The following CNTNAP2 variants were observed in gnomAD, a reference collection of about 807,000 sequenced individuals.
CNTNAP2 encodes the protein contactin associated protein 2, also known as contactin-associated protein-like 2.
CNTNAP2 carries 98 observed loss-of-function variants against 155.2 expected under a neutral mutation model. The observed-to-expected ratio is 0.63, with a 90% CI of 0.54 to 0.75. CNTNAP2 has a LOEUF of 0.75. Among genes scored for constraint, CNTNAP2 ranks in the 30% least tolerant of loss-of-function variants. The probability of loss-of-function intolerance (pLI) is 0.00; values close to 1 mark genes in which losing one functional copy is unlikely to be tolerated. For synonymous variants in CNTNAP2, 651 were observed against 631.2 expected (o/e 1.03, Z -0.47); for missense variants, 1,727 against 1,688.1 (o/e 1.02, Z -0.40).
chr7:146,232,563 T>C (rs893805043), intron 1 of CNTNAP2, among the ~76,000 whole-genome samples: 1 of 152,036 alleles, frequency 6.6e-6, no homozygotes, highest in Admixed American at 6.5e-5. Flanking sequence ...CCTATAAGAA[T>C]CTATTGTTTT....
intron 8 of CNTNAP2, among the ~76,000 whole-genome samples, chr7:147,243,238 C>T (rs889652730): frequency 1.3e-5 from 2 of 151,926 alleles, no homozygotes; most frequent in East Asian, 3.9e-4. Flanking sequence ...CCTCATGATC[C>T]ACCTGCCCTG....
intron 18 of CNTNAP2, among the ~76,000 whole-genome samples, chr7:148,182,789 A>G (rs1241107330): frequency 6.6e-6 from 1 of 152,168 alleles, no homozygotes; most frequent in African/African-American, 2.4e-5. Flanking sequence ...TTTTAAATGT[A>G]TTACCTTCAT....
chr7:147,889,200 C>G (rs1201233794), intron 13 of CNTNAP2, among the ~76,000 whole-genome samples: 1 of 151,546 alleles, frequency 6.6e-6, no homozygotes, highest in Non-Finnish European at 1.5e-5. Flanking sequence ...GAAAAACTAT[C>G]AATTCAGAAG....
At chr7:147,792,371 C>CACTAACCT (rs112922518) in intron 13 of CNTNAP2, among the ~76,000 whole-genome samples, 78,720 of 151,412 alleles carry the variant, frequency 0.52, 23,421 homozygotes, top group African/African-American at 0.83. Flanking sequence ...CCTAAGCAAC[C>CACTAACCT]ACTTTCTGTA....
At chr7:147,066,307 G>A (rs1028156544) in intron 4 of CNTNAP2, among the ~76,000 whole-genome samples, 1 of 152,114 alleles carries the variant, frequency 6.6e-6, no homozygotes, top group South Asian at 2.1e-4. Flanking sequence ...GACATCATAC[G>A]ACAGACTACT....
chr7:147,885,049 G>C (rs1350851875), intron 13 of CNTNAP2, among the ~76,000 whole-genome samples: 1 of 152,238 alleles, frequency 6.6e-6, no homozygotes, highest in Non-Finnish European at 1.5e-5. Context: ...TGTCTGGAGA[G>C]TAACAAGTAT....
intron 8 of CNTNAP2, among the ~76,000 whole-genome samples, chr7:147,255,884 C>A (rs558064685): frequency 6.6e-6 from 1 of 152,136 alleles, no homozygotes; most frequent in Non-Finnish European, 1.5e-5. Flanking sequence ...ATTACAGGTG[C>A]ACACCACCCT....
intron 1 of CNTNAP2, among the ~76,000 whole-genome samples, chr7:146,708,108 C>T (rs1468949510): frequency 6.6e-6 from 1 of 151,982 alleles, no homozygotes; most frequent in Non-Finnish European, 1.5e-5. Context: ...TAAAAAATAC[C>T]AAAGAAATAA....
chr7:147,110,371 T>TG (rs1016809099), intron 5 of CNTNAP2, among the ~76,000 whole-genome samples: 4 of 152,104 alleles, frequency 2.6e-5, no homozygotes, highest in Non-Finnish European at 4.4e-5. Context: ...TTTCTTTTTT[T>TG]TTTTTAAATT....
chr7:146,844,550 C>T (rs1585118984), intron 3 of CNTNAP2, among the ~76,000 whole-genome samples: 1 of 152,022 alleles, frequency 6.6e-6, no homozygotes, highest in Non-Finnish European at 1.5e-5. Context: ...CATTTTGTAT[C>T]AGAAGTCCAT....
At chr7:148,311,879 A>G (rs1797601166) in intron 21 of CNTNAP2, among the ~76,000 whole-genome samples, 1 of 152,126 alleles carries the variant, frequency 6.6e-6, no homozygotes, top group Admixed American at 6.6e-5. Context: ...GATCAGAGAG[A>G]TACAGTCATA....
intron 1 of CNTNAP2, among the ~76,000 whole-genome samples, chr7:146,764,077 G>A (rs986439410): frequency 2.0e-5 from 3 of 152,160 alleles, no homozygotes; most frequent in Admixed American, 2.0e-4. Context: ...ACCAGTTAAT[G>A]AAACCAGAGG....
At chr7:148,364,981 A>T (rs1798710199) in intron 21 of CNTNAP2, among the ~76,000 whole-genome samples, 1 of 152,164 alleles carries the variant, frequency 6.6e-6, no homozygotes, top group Non-Finnish European at 1.5e-5. Flanking sequence ...GAAGGAAGAA[A>T]CTCCGAACAC....
In CNTNAP2 at chr7:147,469,532, T is replaced by TTTTTTTTTTTTTTTTTTTTTTTG. The variant is rs1798178115; in HGVS notation, c.1671-16403_1671-16402insTTTTTTTTTTTTTTTTTTTTTTG. On this transcript the variant is annotated intron_variant, in intron 10 of 23. Transcript: ENST00000361727. ...TTTTTTTTTTTTTTTTTTTTTTTTT[T>TTTTTTTTTTTTTTTTTTTTTTTG]CTGTGAGACAAAGTCTCGCTCTGCC... is the stretch of plus-strand genomic sequence containing the variant. 3.8e-5 allele frequency among the ~76,000 whole-genome samples: 3 copies of TTTTTTTTTTTTTTTTTTTTTTTG among 78,144 alleles called. 1 individual carries two copies. The highest frequency in any genetic ancestry group is 7.8e-5 in the Non-Finnish European group (3 of 38,648). The allele number at this position is 78,144 out of a possible 152,430, so 51.3% of individuals were successfully genotyped here. A position where few individuals can be genotyped will look rare whatever the true frequency, so the allele number is the denominator to read the frequency against.
At chr7:146,444,356 T>G (rs952688046) in intron 1 of CNTNAP2, among the ~76,000 whole-genome samples, 2 of 152,152 alleles carry the variant, frequency 1.3e-5, no homozygotes, top group African/African-American at 4.8e-5. Context: ...AAAAATGAAC[T>G]GACTTACATG....
chr7:146,363,243 A>G (rs1488244024), intron 1 of CNTNAP2, among the ~76,000 whole-genome samples: 1 of 152,210 alleles, frequency 6.6e-6, no homozygotes, highest in Non-Finnish European at 1.5e-5. Flanking sequence ...TTGTGGAGCT[A>G]GGATGTTGCT....
chr7:146,573,268 A>G (rs7792216), intron 1 of CNTNAP2, among the ~76,000 whole-genome samples: 122,478 of 151,944 alleles, frequency 0.81, 49,896 homozygotes, highest in South Asian at 0.88. Flanking sequence ...TCAGCCTCCC[A>G]AGTAGCTGGG....
At chr7:146,343,913 C>T (rs1794773050) in intron 1 of CNTNAP2, among the ~76,000 whole-genome samples, 1 of 151,824 alleles carries the variant, frequency 6.6e-6, no homozygotes, top group South Asian at 2.1e-4. Context: ...ATAAATTGTA[C>T]AGTAATTTTT....
Position 146,549,874 on chromosome 7 carries a change from G to C in CNTNAP2, c.98-224397G>C, listed in dbSNP as rs143052655. On this transcript the variant is annotated intron_variant, in intron 1 of 23. Transcript: ENST00000361727. ...AACACAACCATATATCAACCTCCCT[G>C]TCAAGGACATCACACCTGCAGTAGA... Among the ~76,000 whole-genome samples, 1,440 of 152,122 alleles carry C rather than the reference G, an allele frequency of 9.5e-3. 10 individuals are homozygous for C. Among genetic ancestry groups the C allele is most frequent in the Middle Eastern group, 0.041 (12 of 294 alleles).
Sources: gnomAD v4.1 joint callset for allele counts (sites outside exome capture counted in the v4.1 genomes callset) on GRCh38, gnomAD v4.1.1 for gene constraint, MANE v1.5 for transcripts, NCBI Gene and HGNC (gene_info 2026-07-23, HGNC 2026-07-21) for gene names.